LEKR1: variants seen among roughly 807,000 people sequenced by gnomAD.
LEKR1 encodes the protein leucine, glutamate and lysine rich 1.
In LEKR1, 59 loss-of-function variants were observed where a neutral mutation model predicts 72.4. The observed-to-expected ratio is 0.82, with a 90% CI of 0.66 to 1.01. The LOEUF is 1.01. Ranked by LOEUF, LEKR1 falls within the 50% of genes least tolerant of loss-of-function variation. LEKR1 has a pLI of 0.00. For synonymous variants in LEKR1, 257 were observed against 263.2 expected, an observed-to-expected ratio of 0.98 and a Z score of 0.23; for missense variants, 728 against 759.2, an observed-to-expected ratio of 0.96 and a Z score of 0.48.
At chr3:156,943,620 C>T (rs1377730422) in intron 6 of LEKR1, among the ~76,000 whole-genome samples, 1 of 151,762 alleles carries the variant, frequency 6.6e-6, no homozygotes, top group African/African-American at 2.4e-5. Context: ...CTCCGTGGCC[C>T]AGTGGGAAGG....
chr3:156,936,133 G>C (rs6802511), intron 5 of LEKR1, among the ~76,000 whole-genome samples: 24,486 of 151,892 alleles, frequency 0.16, 2,320 homozygotes, highest in South Asian at 0.25. Context: ...ACACTATTCA[G>C]AGTCAGGAAT....
intron 7 of LEKR1, among the ~76,000 whole-genome samples, chr3:156,980,364 G>A (rs1730080547): frequency 6.6e-6 from 1 of 152,100 alleles, no homozygotes; most frequent in Admixed American, 6.6e-5. Context: ...AAAATAGTTT[G>A]TTTCTGAAAA....
At chr3:156,977,554 A>G in intron 6 of LEKR1, 2 of 348,944 alleles carry the variant, frequency 5.7e-6, no homozygotes, top group South Asian at 5.8e-5. Context: ...TGGATAACTC[A>G]AAGGAAGCAG....
chr3:157,043,115 G>A (rs1045229146), intron 12 of LEKR1, among the ~76,000 whole-genome samples: 9 of 152,018 alleles, frequency 5.9e-5, no homozygotes, highest in African/African-American at 9.7e-5. Context: ...TCCTGCTCCC[G>A]CCATGTAAGA....
intron 6 of LEKR1, among the ~76,000 whole-genome samples, chr3:156,970,070 C>A (rs1213632498): frequency 6.6e-6 from 1 of 152,164 alleles, no homozygotes; most frequent in African/African-American, 2.4e-5. Flanking sequence ...CAAAATTCAA[C>A]AACCTTCATG....
intron 6 of LEKR1, among the ~76,000 whole-genome samples, chr3:156,954,034 C>G (rs182802722): frequency 2.2e-3 from 336 of 151,948 alleles, no homozygotes; most frequent in Non-Finnish European, 3.6e-3. Flanking sequence ...TCTGTTGTTT[C>G]TTGACTTTTT....
intron 6 of LEKR1, among the ~76,000 whole-genome samples, chr3:156,960,071 A>G (rs1045176881): frequency 6.6e-6 from 1 of 152,152 alleles, no homozygotes; most frequent in Middle Eastern, 3.2e-3. Context: ...TAATGAATAT[A>G]TGTCCACACC....
At chr3:156,980,528 T>C (rs931203717) in intron 7 of LEKR1, among the ~76,000 whole-genome samples, 1 of 151,472 alleles carries the variant, frequency 6.6e-6, no homozygotes, top group Non-Finnish European at 1.5e-5. Context: ...TTTTGGGAGA[T>C]TGTTTTAAAT....
At chr3:156,891,193 G>C (rs1332495903) in intron 3 of LEKR1, among the ~76,000 whole-genome samples, 1 of 152,058 alleles carries the variant, frequency 6.6e-6, no homozygotes, top group Admixed American at 6.6e-5. Flanking sequence ...TTTTAACAAA[G>C]AGAACTGAAG....
At chr3:156,930,106 C>T (rs984835199) in intron 5 of LEKR1, among the ~76,000 whole-genome samples, 1 of 152,018 alleles carries the variant, frequency 6.6e-6, no homozygotes, top group African/African-American at 2.4e-5. Flanking sequence ...AGATGCATAC[C>T]AAATTATGCA....
intron 10 of LEKR1, among the ~76,000 whole-genome samples, chr3:157,012,352 G>A (rs9818874): frequency 0.51 from 77,869 of 151,910 alleles, 22,812 homozygotes; most frequent in South Asian, 0.78. Context: ...GGAGCTGGTC[G>A]CCAAAATTCA....
At chr3:156,982,893 AGATAGATAGATAGATG>A (rs1433230299) in intron 7 of LEKR1, among the ~76,000 whole-genome samples, 55 of 151,426 alleles carry the variant, frequency 3.6e-4, no homozygotes, top group Non-Finnish European at 3.5e-4. Context: ...ATAGATAGAT[AGATAGATAGATAGATG>A]GAAGAGCTAG....
chr3:156,983,362 A>T (rs1165447745), intron 7 of LEKR1, among the ~76,000 whole-genome samples: 2 of 152,200 alleles, frequency 1.3e-5, no homozygotes, highest in Non-Finnish European at 2.9e-5. Context: ...AGTGGTTGTC[A>T]CACTCCAATC....
intron 6 of LEKR1, among the ~76,000 whole-genome samples, chr3:156,972,321 TCA>T (rs565146808): frequency 0.015 from 2,278 of 147,372 alleles, 18 homozygotes; most frequent in Non-Finnish European, 0.023. Flanking sequence ...AAGGGGAACA[TCA>T]CACACACGGG....
At chr3:157,033,905 C>T (rs917599228) in intron 12 of LEKR1, among the ~76,000 whole-genome samples, 1 of 152,122 alleles carries the variant, frequency 6.6e-6, no homozygotes, top group African/African-American at 2.4e-5. Flanking sequence ...CATTTACCAT[C>T]CCAAAAATCC....
At chr3:156,844,463 CACA>C (rs751724615) in intron 2 of LEKR1, among the ~76,000 whole-genome samples, 5 of 152,238 alleles carry the variant, frequency 3.3e-5, no homozygotes, top group Non-Finnish European at 5.9e-5. Context: ...ACACTTTCAT[CACA>C]ACAAGGATTT....
chr3:156,923,294 C>T (rs1278357929), intron 4 of LEKR1, among the ~76,000 whole-genome samples: 2 of 152,168 alleles, frequency 1.3e-5, no homozygotes, highest in Non-Finnish European at 2.9e-5. Flanking sequence ...TTGACTAATT[C>T]CAGAAAAGAC....
chr3:156,933,646 G>T (rs1188856409), intron 5 of LEKR1, among the ~76,000 whole-genome samples: 2 of 152,088 alleles, frequency 1.3e-5, no homozygotes, highest in Non-Finnish European at 2.9e-5. Context: ...GAATTGGAGA[G>T]ACATCAGCTC....
At chr3:156,942,855 T>C (rs921465561) in intron 6 of LEKR1, 141 bp downstream of exon 6, 12 of 338,884 alleles carry the variant, frequency 3.5e-5, no homozygotes, top group African/African-American at 2.8e-4. Context: ...AGTATCACTA[T>C]GGTGATAACT....
Sources: gnomAD v4.1 joint callset for allele counts (sites outside exome capture counted in the v4.1 genomes callset) on GRCh38, gnomAD v4.1.1 for gene constraint, MANE v1.5 for transcripts, NCBI Gene and HGNC (gene_info 2026-07-23, HGNC 2026-07-21) for gene names.